Variants in COL4A3 observed in about 807,000 individuals in gnomAD.
COL4A3 encodes the protein collagen alpha-3(IV) chain.
COL4A3 carries 135 observed loss-of-function variants against 217.4 expected under a neutral mutation model. That is an observed-to-expected ratio of 0.62 (90% CI 0.54 to 0.72). COL4A3 has a LOEUF of 0.72. Among genes scored for constraint, COL4A3 ranks in the 30% least tolerant of loss-of-function variants. The pLI is 0.00. For missense variants in COL4A3, 1,868 were observed against 2,119.9 expected (o/e 0.88, Z 2.33); for synonymous variants, 690 against 736.3 (o/e 0.94, Z 1.02).
Position 227,164,872 on chromosome 2 carries a change from G to C in COL4A3, c.87+59G>C. On this transcript the variant is annotated intron_variant, in intron 1 of 51. Coordinates refer to ENST00000396578, the MANE Select transcript of COL4A3 (RefSeq NM_000091.5). The surrounding 1 kb of genome is among the most constrained non-coding windows in gnomAD (Gnocchi z 4.8). ...CTTCCATCCCTCCTCCACGCGTCCG[G>C]GGGACGCGCTGGCCCCACCCGCAGC... 7.0e-7 allele frequency: 1 copy of C among 1,424,248 alleles called. No homozygotes were observed. Among genetic ancestry groups the C allele is most frequent in the Non-Finnish European group, 9.1e-7 (1 of 1,093,916 alleles). 88.2% of individuals were successfully genotyped at this position (1,424,248 alleles called of 1,614,324 possible). A position where few individuals can be genotyped will look rare whatever the true frequency, so the allele number is the denominator to read the frequency against.
chr2:227,238,176 TAA>T (rs35499269), intron 2 of COL4A3, 152 bp downstream of exon 2: 2,101 of 404,900 alleles, frequency 5.2e-3, no homozygotes, highest in Non-Finnish European at 6.1e-3. Context: ...AACATTAACC[TAA>T]AAAAAAAAAA....
Position 227,282,645 on chromosome 2 carries a change from GT to G in COL4A3, c.2656+117del, listed in dbSNP as rs2106165578. On this transcript the variant is annotated intron_variant, in intron 32 of 51. Transcript: ENST00000396578. The surrounding 1 kb of genome is among the most constrained non-coding windows in gnomAD (Gnocchi z 4.4). ...ACTCTATGCTTTTACTTAATATAAG[GT>G]TTTCCTTCTAAATTATTTGTAAGAA... The G allele has an allele frequency of 9.9e-7, 1 of 1,006,568 alleles. No homozygotes were observed. Among genetic ancestry groups the G allele is most frequent in the African/African-American group, 1.6e-5 (1 of 61,186 alleles). The allele number at this position is 1,006,568 out of a possible 1,614,324, so 62.4% of individuals were successfully genotyped here.
At chr2:227,293,067 C>A in intron 37 of COL4A3, 124 bp from the exon 38 acceptor site, 10 of 1,265,034 alleles carry the variant, frequency 7.9e-6, no homozygotes, top group Non-Finnish European at 1.1e-5. Context: ...ACAGTGCTGG[C>A]AGATAGCAGA....
At position 227,304,085 on chromosome 2, in the gene COL4A3, C is replaced by T. The variant is rs992519969; in HGVS notation, c.4094C>T (p.Thr1365Ile). ...CCAGGAAGCCCAGGGCCACCTGGCACACCTGGAGAACCAGGGATGCAGGGA... is the reference window on the plus strand; with the variant it reads ...CCAGGAAGCCCAGGGCCACCTGGCATACCTGGAGAACCAGGGATGCAGGGA... ...SLPGSPGPPG[T>I]PGEPGMQGEP... Residue 1365 changes from threonine (T) to isoleucine (I), a missense_variant, in exon 46 of 52, where the codon ACA (threonine) becomes ATA (isoleucine). Thr to Ile is a moderately conservative substitution (Grantham distance 89). Around this residue, in one of 2 missense-constraint regions of COL4A3, gnomAD observed 1,503 missense variants for 1,786.1 expected, o/e 0.84. Transcript: ENST00000396578. The T allele has an allele frequency of 6.8e-6, 11 of 1,614,032 alleles. No individual in the cohort carries two copies. The African/African-American group carries it at 1.3e-4, about 20-fold the overall frequency.
intron 1 of COL4A3, among the ~76,000 whole-genome samples, chr2:227,170,408 TCA>T (rs2065434925): frequency 1.3e-5 from 2 of 152,088 alleles, no homozygotes; most frequent in African/African-American, 4.8e-5. Context: ...TTTAATGGAC[TCA>T]CAGTTCTACG....
At chr2:227,209,556 T>C (rs2067235564) in intron 1 of COL4A3, among the ~76,000 whole-genome samples, 4 of 152,300 alleles carry the variant, frequency 2.6e-5, no homozygotes, top group South Asian at 4.1e-4. Context: ...AGATGGGACC[T>C]AGGCTGGGCA....
intron 24 of COL4A3, 77 bp downstream of exon 24, chr2:227,270,057 T>G: frequency 1.6e-6 from 2 of 1,249,210 alleles, no homozygotes; most frequent in Non-Finnish European, 2.3e-6. Flanking sequence ...GCAACACACT[T>G]ACCAGTTTGG....
intron 15 of COL4A3, 103 bp from the exon 16 acceptor site, chr2:227,255,923 T>A: frequency 8.6e-7 from 1 of 1,168,646 alleles, no homozygotes; most frequent in East Asian, 2.5e-5. Context: ...AGGCTTTTCA[T>A]GCCTGAGGTC....
Position 227,308,002 on chromosome 2 carries a change from A to G in COL4A3, c.4462+83A>G, listed in dbSNP as rs2073583775. On this transcript the variant is annotated intron_variant, in intron 48 of 51. Transcript: ENST00000396578. ...TATAGCCTAGGATGCTTCCCTCTGA[A>G]GTTAAGTGTAAATAACCTTGAGTGT... 2.4e-6 allele frequency: 3 copies of G among 1,230,720 alleles called. No homozygotes were observed. The South Asian group carries it at 3.7e-5, about 15-fold the overall frequency. 76.2% of individuals were successfully genotyped at this position (1,230,720 alleles called of 1,614,324 possible).
chr2:227,258,239 C>A (rs776610999), intron 18 of COL4A3, among the ~76,000 whole-genome samples: 47 of 152,184 alleles, frequency 3.1e-4, no homozygotes, highest in Admixed American at 1.3e-3. Flanking sequence ...ACATTCAGTG[C>A]GCCAAGCAAG....
Position 227,293,090 on chromosome 2 carries a change from T to C in COL4A3, c.3211-101T>C, listed in dbSNP as rs183295122. 5 of 1,479,506 alleles carry C rather than the reference T, an allele frequency of 3.4e-6. No homozygotes were observed. In the East Asian group the frequency reaches 9.3e-5, roughly 28 times the overall value. 91.6% of individuals were successfully genotyped at this position (1,479,506 alleles called of 1,614,324 possible). A position where few individuals can be genotyped will look rare whatever the true frequency, so the allele number is the denominator to read the frequency against. Reference sequence around the variant, plus strand: ...GGCAGATAGCAGATACTAATATGAATTGATGAATGAATGAAAAAATTAGTG... The same window carrying C: ...GGCAGATAGCAGATACTAATATGAACTGATGAATGAATGAAAAAATTAGTG... On this transcript the variant is annotated intron_variant, in intron 37 of 51. Transcript: ENST00000396578.
At position 227,240,189 on chromosome 2, in the gene COL4A3, G is replaced by T; in HGVS notation, c.191G>T (p.Gly64Val). Residue 64 changes from glycine (G) to valine (V), a missense_variant, in exon 3 of 52, where the codon GGA (glycine) becomes GTA (valine). Transcript: ENST00000396578. ...PGPPGSPGQKGFTGPEGLPGP... is the reference protein window; with the variant it reads ...PGPPGSPGQKVFTGPEGLPGP... ...CCCCCCGGTTCTCCTGGCCAGAAAG[G>T]ATTCACAGGTCCTGAAGGCTTGCCT... 1 of 1,612,060 alleles carries T rather than the reference G, an allele frequency of 6.2e-7. No individual in the cohort carries two copies. The highest frequency in any genetic ancestry group is 8.5e-7 in the Non-Finnish European group (1 of 1,179,284).
At chr2:227,224,530 C>G (rs575234131) in intron 1 of COL4A3, among the ~76,000 whole-genome samples, 1 of 152,194 alleles carries the variant, frequency 6.6e-6, no homozygotes, top group African/African-American at 2.4e-5. Context: ...GCGGGTGGAT[C>G]ACCTGAGGTC....
At chr2:227,165,394 A>C (rs1206300168) in intron 1 of COL4A3, among the ~76,000 whole-genome samples, 2 of 152,236 alleles carry the variant, frequency 1.3e-5, no homozygotes, top group East Asian at 3.8e-4. Context: ...CACCTTAGAA[A>C]TCGAACTCAG....
At chr2:227,279,601 T>G (rs2071815294) in intron 28 of COL4A3, 192 bp from the exon 29 acceptor site, 4 of 571,106 alleles carry the variant, frequency 7.0e-6, no homozygotes, top group Non-Finnish European at 1.2e-5. Context: ...ATAGAGAAAG[T>G]TATTTTTTCA....
chr2:227,242,370 T>C (rs1039952408), intron 3 of COL4A3, among the ~76,000 whole-genome samples: 11 of 152,132 alleles, frequency 7.2e-5, no homozygotes, highest in Non-Finnish European at 5.9e-5. Flanking sequence ...GCCATGGAGT[T>C]AAGGTGCATT....
intron 7 of COL4A3, chr2:227,246,952 G>A: frequency 3.0e-6 from 2 of 670,946 alleles, no homozygotes; most frequent in Non-Finnish European, 5.5e-6. Context: ...AGACATCCAA[G>A]TGGAGATGCA....
intron 1 of COL4A3, among the ~76,000 whole-genome samples, chr2:227,196,438 C>T (rs372472354): frequency 8.6e-5 from 13 of 151,946 alleles, no homozygotes; most frequent in African/African-American, 3.1e-4. Flanking sequence ...CTGCCTCAGC[C>T]TCCCGAGTAG....
intron 15 of COL4A3, among the ~76,000 whole-genome samples, chr2:227,255,260 G>A (rs1226361769): frequency 2.6e-5 from 4 of 152,250 alleles, no homozygotes; most frequent in Non-Finnish European, 4.4e-5. Flanking sequence ...ACCACCCAGA[G>A]GGAGGGAAGA....
Sources: allele counts gnomAD v4.1 joint callset (sites outside exome capture counted in the v4.1 genomes callset), GRCh38; gene constraint gnomAD v4.1.1; regional missense constraint gnomAD v4.1.1; non-coding constraint Gnocchi (gnomAD v3.1); transcripts MANE v1.5; gene names NCBI Gene and HGNC (gene_info 2026-07-23, HGNC 2026-07-21).